The following EIF2AK3 variants were observed in gnomAD, a reference collection of about 807,000 sequenced individuals.
The protein encoded by EIF2AK3 is eukaryotic translation initiation factor 2-alpha kinase 3.
In EIF2AK3, 50 loss-of-function variants were observed where a neutral mutation model predicts 113.5. That is an observed-to-expected ratio of 0.44 (90% CI 0.35 to 0.56). The LOEUF (loss-of-function observed/expected upper bound fraction) is 0.56, where lower values mean the gene tolerates loss of function less well. Among genes scored for constraint, EIF2AK3 ranks in the 20% least tolerant of loss-of-function variants. EIF2AK3 has a pLI of 0.00. For synonymous variants in EIF2AK3, 448 were observed against 495.4 expected, an observed-to-expected ratio of 0.90 and a Z score of 1.27; for missense variants, 1,185 against 1,378.0, an observed-to-expected ratio of 0.86 and a Z score of 2.22.
chr2:88,606,578 T>G (rs1408586603), intron 2 of EIF2AK3, among the ~76,000 whole-genome samples: 1 of 152,220 alleles, frequency 6.6e-6, no homozygotes, highest in Non-Finnish European at 1.5e-5. Flanking sequence ...AATGTGCTAG[T>G]TTGCGTGCAA....
rs528976644 is a variant in EIF2AK3, at chr2:88,627,433, G to A, written c.-159C>T. The A allele has an allele frequency of 3.3e-6, 3 of 906,750 alleles. No individual in the cohort carries two copies. The highest frequency in any genetic ancestry group is 2.9e-6 in the Non-Finnish European group (2 of 679,020). 56.2% of individuals were successfully genotyped at this position (906,750 alleles called of 1,614,324 possible). A position where few individuals can be genotyped will look rare whatever the true frequency, so the allele number is the denominator to read the frequency against. On this transcript the variant is annotated 5_prime_UTR_variant, in exon 1 of 17. Transcript: ENST00000303236. Reference sequence around the variant, plus strand: ...TGTTCCCCTGGCCACGTCTCAGCCCGGCCTCTGCCGCTGCCACCTGAGTGA... The same window carrying A: ...TGTTCCCCTGGCCACGTCTCAGCCCAGCCTCTGCCGCTGCCACCTGAGTGA...
intron 11 of EIF2AK3, among the ~76,000 whole-genome samples, chr2:88,577,348 T>C (rs1674486914): frequency 6.6e-6 from 1 of 152,104 alleles, no homozygotes; most frequent in Non-Finnish European, 1.5e-5. Flanking sequence ...GTATTTCAGT[T>C]TTGTTTGTTT....
Position 88,588,881 on chromosome 2 carries a change from A to T in EIF2AK3, c.1186T>A (p.Tyr396Asn). 6.2e-7 allele frequency: 1 copy of T among 1,613,820 alleles called. No individual in the cohort carries two copies. Among genetic ancestry groups the T allele is most frequent in the Non-Finnish European group, 8.5e-7 (1 of 1,179,850 alleles). Residue 396 changes from tyrosine (Y) to asparagine (N), a missense_variant, in exon 7 of 17, where the codon TAT (tyrosine) becomes AAT (asparagine). Transcript: ENST00000303236. ...GAAATTCTGACTGATGACTGCAGAT[A>T]CAGCTGGCCTCTATACATTCCTGAA... ...VYLGMYRGQL[Y>N]LQSSVRISEK...
chr2:88,611,083 CCAAA>C (rs987742833), intron 2 of EIF2AK3, among the ~76,000 whole-genome samples: 43 of 152,226 alleles, frequency 2.8e-4, no homozygotes, highest in African/African-American at 9.4e-4. Flanking sequence ...GGTCCTGACA[CCAAA>C]CAGTCTCAGA....
rs1013032001 is a variant in EIF2AK3 at position 88,575,431 on chromosome 2, G to C, written c.2052C>G (p.Leu684=). The C allele has an allele frequency of 1.2e-6, 2 of 1,608,104 alleles. No individual in the cohort carries two copies. Among genetic ancestry groups the C allele is most frequent in the African/African-American group, 2.7e-5 (2 of 74,938 alleles). The change falls in exon 13 of 17, where the codon CTC becomes CTG. Residue 684 remains leucine (L), a synonymous_variant. Coordinates refer to ENST00000303236, the MANE Select transcript of EIF2AK3 (RefSeq NM_004836.7). The stretch of plus-strand genomic sequence containing the variant: ...GTGCATCCATTGGGCTAGGAGAGCT[G>C]AGTGGCCAGTCTGTGCTAAAAGTGG... ...WLKDESTDWP[L]SSPSPMDAPS... is the part of the protein sequence containing the mutation.
intron 14 of EIF2AK3, among the ~76,000 whole-genome samples, chr2:88,568,140 C>G (rs1674191834): frequency 6.6e-6 from 1 of 152,152 alleles, no homozygotes; most frequent in African/African-American, 2.4e-5. Context: ...CAAAAGGATG[C>G]TCTATGACAG....
At chr2:88,606,333 G>A (rs1030386340) in intron 2 of EIF2AK3, among the ~76,000 whole-genome samples, 2 of 151,890 alleles carry the variant, frequency 1.3e-5, no homozygotes, top group Admixed American at 1.3e-4. Context: ...AAAAAACAGG[G>A]CCAAATCAGT....
At chr2:88,590,346 A>T in intron 6 of EIF2AK3, 97 bp downstream of exon 6, 1 of 1,258,032 alleles carries the variant, frequency 7.9e-7, no homozygotes, top group Non-Finnish European at 1.2e-6. Context: ...TTAGGATTTA[A>T]AACTACTACA....
chr2:88,563,300 C>T (rs2104388713), intron 14 of EIF2AK3, among the ~76,000 whole-genome samples: 1 of 152,306 alleles, frequency 6.6e-6, no homozygotes, highest in South Asian at 2.1e-4. Flanking sequence ...TCTCCCTGGC[C>T]TTCTGCGCAG....
At position 88,588,914 on chromosome 2, in the gene EIF2AK3, G is replaced by C. The variant is rs1454093476; in HGVS notation, c.1166-13C>G. The stretch of plus-strand genomic sequence containing the variant: ...CCTCTATACATTCCTGAATCAACCA[G>C]AACATTGTCAATTATGCATTGATTT... On this transcript the variant is annotated splice_polypyrimidine_tract_variant and intron_variant, in intron 6 of 16. Coordinates refer to ENST00000303236, the MANE Select transcript of EIF2AK3 (RefSeq NM_004836.7). The C allele has an allele frequency of 6.2e-7, 1 of 1,612,654 alleles. No individual in the cohort carries two copies. Among genetic ancestry groups the C allele is most frequent in the African/African-American group, 1.3e-5 (1 of 74,990 alleles).
intron 14 of EIF2AK3, among the ~76,000 whole-genome samples, chr2:88,564,170 G>A (rs1434713494): frequency 2.6e-5 from 4 of 152,184 alleles, no homozygotes; most frequent in South Asian, 2.1e-4. Flanking sequence ...GTGTTTCTTC[G>A]TAATTACAAC....
intron 1 of EIF2AK3, among the ~76,000 whole-genome samples, chr2:88,618,134 A>G (rs1195187352): frequency 6.6e-6 from 1 of 152,192 alleles, no homozygotes; most frequent in Non-Finnish European, 1.5e-5. Flanking sequence ...GTGAACTGTT[A>G]TTGCACCACT....
intron 1 of EIF2AK3, among the ~76,000 whole-genome samples, chr2:88,614,739 A>G (rs1227036745): frequency 6.6e-6 from 1 of 152,146 alleles, no homozygotes. Context: ...AAAATCCCAC[A>G]GTCCTTCATC....
chr2:88,565,790 T>C (rs1480977483), intron 14 of EIF2AK3, among the ~76,000 whole-genome samples: 1 of 152,230 alleles, frequency 6.6e-6, no homozygotes, highest in East Asian at 1.9e-4. Flanking sequence ...TTCCTATAGA[T>C]AGAAATATGT....
At position 88,575,223 on chromosome 2, in the gene EIF2AK3, ACT is replaced by A; in HGVS notation, c.2258_2259del (p.Glu753ValfsTer17). 1 of 1,612,752 alleles carries A rather than the reference ACT, an allele frequency of 6.2e-7. No homozygotes were observed. On this transcript the variant is annotated frameshift_variant, in exon 13 of 17. Coordinates refer to ENST00000303236, the MANE Select transcript of EIF2AK3 (RefSeq NM_004836.7). LOFTEE classifies it high-confidence loss of function. The stretch of plus-strand genomic sequence containing the variant: ...TGGAGGTTGTATGCTGCATCCACTG[ACT>A]CACTGATGTCCTCATGGTCCATTCC... ...FSGMDHEDIS[E>X]SVDAAYNLQD...
Position 88,557,776 on chromosome 2 carries a change from C to A in EIF2AK3, c.3311G>T (p.Arg1104Ile), listed in dbSNP as rs1200751163. ...AGGGCTATGGGAGTTGTTGGACTGT[C>A]TTGAATGTTTTGTTCCCGATGAACT... ...SLSSSGTKHS[R>I]QSNNSHSPLP... Residue 1104 changes from arginine (R) to isoleucine (I), a missense_variant, in exon 17 of 17, where the codon AGA becomes ATA. By Grantham distance (97) the Arg-to-Ile change is moderately conservative. Transcript: ENST00000303236. 6.2e-7 allele frequency: 1 copy of A among 1,614,116 alleles called. No homozygotes were observed. Among genetic ancestry groups the A allele is most frequent in the South Asian group, 1.1e-5 (1 of 91,078 alleles).
intron 14 of EIF2AK3, among the ~76,000 whole-genome samples, chr2:88,570,178 T>C (rs993678898): frequency 2.6e-5 from 4 of 152,232 alleles, no homozygotes; most frequent in African/African-American, 4.8e-5. Flanking sequence ...ATAACAAATA[T>C]CGATAGATAA....
intron 4 of EIF2AK3, among the ~76,000 whole-genome samples, chr2:88,591,868 G>A (rs12478762): frequency 0.23 from 34,849 of 151,972 alleles, 4,466 homozygotes; most frequent in Middle Eastern, 0.44. Context: ...TATGGTGGCT[G>A]AGCTCCCAGT....
At position 88,583,475 on chromosome 2, in the gene EIF2AK3, T is replaced by C; in HGVS notation, c.1718A>G (p.Asn573Ser). 1.2e-5 allele frequency: 20 copies of C among 1,613,348 alleles called. No homozygotes were observed. Among genetic ancestry groups the C allele is most frequent in the South Asian group, 2.2e-5 (2 of 91,064 alleles). ...TTTTATGTCATTCCAGCTACTGTCATTGGCTTCACCACTTACAGAATCATA... is the reference window on the plus strand; with the variant it reads ...TTTTATGTCATTCCAGCTACTGTCACTGGCTTCACCACTTACAGAATCATA... Reference protein sequence around the residue: ...NKYDSVSGEANDSSWNDIKNS... With the variant: ...NKYDSVSGEASDSSWNDIKNS... The change falls in exon 10 of 17, where the codon AAT (asparagine) becomes AGT (serine). Residue 573 changes from asparagine (N) to serine (S), a missense_variant. This residue lies in a region of EIF2AK3 where 877 missense variants were observed against 1,024.2 expected (regional missense o/e 0.86). Transcript: ENST00000303236.
Sources: allele counts gnomAD v4.1 joint callset (sites outside exome capture counted in the v4.1 genomes callset), GRCh38; gene constraint gnomAD v4.1.1; regional missense constraint gnomAD v4.1.1; transcripts MANE v1.5; gene names NCBI Gene and HGNC (gene_info 2026-07-23, HGNC 2026-07-21).